Variants in KIF1B observed in about 807,000 individuals in gnomAD.
KIF1B encodes kinesin family member 1B, also known as kinesin-like protein KIF1B.
A neutral mutation model predicts 241.9 loss-of-function variants in KIF1B; 76 were observed. That is an observed-to-expected ratio of 0.31 (90% CI 0.26 to 0.38). The LOEUF (loss-of-function observed/expected upper bound fraction) is 0.38, where lower values mean the gene tolerates loss of function less well. KIF1B is among the 10% of genes least tolerant of loss of function. The pLI, the probability that KIF1B is intolerant of heterozygous loss-of-function variation, is 1.00. For missense variants in KIF1B, 1,622 were observed against 2,271.4 expected, an observed-to-expected ratio of 0.71 and a Z score of 5.81; for synonymous variants, 750 against 796.7, an observed-to-expected ratio of 0.94 and a Z score of 0.99.
chr1:10,264,128 C>T (rs1246914691), intron 5 of KIF1B, among the ~76,000 whole-genome samples: 1 of 152,170 alleles, frequency 6.6e-6, no homozygotes, highest in African/African-American at 2.4e-5. Context: ...AGCTCTCTTC[C>T]CCATTCTATT....
chr1:10,344,415 A>C (rs1361379619), intron 34 of KIF1B, among the ~76,000 whole-genome samples: 1 of 152,222 alleles, frequency 6.6e-6, no homozygotes, highest in Non-Finnish European at 1.5e-5. Flanking sequence ...TGTAGAGCTC[A>C]GCACATTTTC....
At chr1:10,265,400 AATTCTTT>A (rs1354543459) in intron 5 of KIF1B, among the ~76,000 whole-genome samples, 2 of 151,658 alleles carry the variant, frequency 1.3e-5, no homozygotes, top group Non-Finnish European at 2.9e-5. Flanking sequence ...ATGCCTGGCT[AATTCTTT>A]GTATTTTTGG....
intron 2 of KIF1B, among the ~76,000 whole-genome samples, chr1:10,236,842 T>TG (rs1647058042): frequency 2.6e-5 from 4 of 152,152 alleles, no homozygotes; most frequent in Admixed American, 2.6e-4. Context: ...TTTTTTTTTT[T>TG]TTAAACACCA....
At chr1:10,364,500 G>A (rs1299430278) in intron 41 of KIF1B, among the ~76,000 whole-genome samples, 2 of 139,836 alleles carry the variant, frequency 1.4e-5, no homozygotes, top group African/African-American at 4.9e-5. Flanking sequence ...CATCACGCCC[G>A]GCCCCATAGT....
intron 4 of KIF1B, among the ~76,000 whole-genome samples, chr1:10,259,873 C>T (rs1016061994): frequency 6.6e-6 from 1 of 151,834 alleles, no homozygotes; most frequent in African/African-American, 2.4e-5. Flanking sequence ...TGGGCTCCAT[C>T]CTGGGCTTGG....
At chr1:10,236,389 G>C (rs778531660) in intron 2 of KIF1B, among the ~76,000 whole-genome samples, 1 of 152,254 alleles carries the variant, frequency 6.6e-6, no homozygotes, top group Middle Eastern at 3.4e-3. Flanking sequence ...CTAGATAATG[G>C]TACTCCTACC....
At chr1:10,340,608 C>T (rs1242564183) in intron 32 of KIF1B, among the ~76,000 whole-genome samples, 2 of 152,120 alleles carry the variant, frequency 1.3e-5, no homozygotes, top group Non-Finnish European at 2.9e-5. Flanking sequence ...CTCTGGGAGG[C>T]CGAGGCAGGT....
intron 22 of KIF1B, chr1:10,305,560 G>GC (rs1650788876): frequency 9.4e-7 from 1 of 1,059,364 alleles, no homozygotes; most frequent in African/African-American, 1.6e-5. Flanking sequence ...TGGCTCTGTG[G>GC]TGCTGCTTTT....
At chr1:10,329,041 C>G (rs1462332988) in intron 27 of KIF1B, among the ~76,000 whole-genome samples, 1 of 152,176 alleles carries the variant, frequency 6.6e-6, no homozygotes, top group Admixed American at 6.5e-5. Context: ...ATTGTTTTCT[C>G]TCTAGTTTTA....
At chr1:10,268,109 C>T in intron 6 of KIF1B, 43 bp from the exon 7 acceptor site, 1 of 1,324,172 alleles carries the variant, frequency 7.6e-7, no homozygotes, top group South Asian at 1.2e-5. Context: ...CAACTCTCAT[C>T]TAAGAATTCC....
intron 16 of KIF1B, 126 bp downstream of exon 16, chr1:10,291,287 C>CA (rs927366919): frequency 7.4e-6 from 5 of 678,608 alleles, no homozygotes; most frequent in South Asian, 3.4e-5. Flanking sequence ...AAAACGAAAC[C>CA]AAAAAAATGG....
chr1:10,293,415 G>A (rs11580788), intron 17 of KIF1B, among the ~76,000 whole-genome samples: 46,485 of 103,890 alleles, frequency 0.45, 7,549 homozygotes, highest in East Asian at 0.51. Flanking sequence ...TTTTTTTTTT[G>A]AGACAGAGTC....
In KIF1B at chr1:10,309,693, A is replaced by G. The variant is rs561658958; in HGVS notation, c.2116-10350A>G. The stretch of plus-strand genomic sequence containing the variant: ...TACCCTAGCTTGTCTCTTTGCTTCT[A>G]TTCTTGACCCCTATAATCCAATGTC... On this transcript the variant is annotated intron_variant, in intron 22 of 48. Transcript: ENST00000676179. Among the ~76,000 whole-genome samples the G allele has an allele frequency of 2.2e-4, 33 of 151,582 alleles. 2 individuals carry two copies. The highest frequency in any genetic ancestry group is 7.3e-4 in the African/African-American group (30 of 40,902).
chr1:10,266,295 C>T (rs1469385762), intron 5 of KIF1B, among the ~76,000 whole-genome samples: 1 of 152,172 alleles, frequency 6.6e-6, no homozygotes, highest in Non-Finnish European at 1.5e-5. Context: ...GTGGACAGAC[C>T]TCGCTGTTGG....
chr1:10,344,600 G>T (rs1458226739), intron 34 of KIF1B, among the ~76,000 whole-genome samples: 1 of 152,086 alleles, frequency 6.6e-6, no homozygotes, highest in Admixed American at 6.5e-5. Flanking sequence ...AATACTTCTG[G>T]TTTTGCTTTC....
chr1:10,320,728 T>G (rs1187513896), intron 23 of KIF1B, among the ~76,000 whole-genome samples: 3 of 152,140 alleles, frequency 2.0e-5, no homozygotes, highest in Non-Finnish European at 4.4e-5. Context: ...ATTTATTTAT[T>G]TACTTATTTA....
chr1:10,367,139 A>T (rs1357370984), intron 43 of KIF1B, among the ~76,000 whole-genome samples: 1 of 151,632 alleles, frequency 6.6e-6, no homozygotes, highest in Non-Finnish European at 1.5e-5. Context: ...CCTGTCACAC[A>T]GGCTGGGATG....
intron 22 of KIF1B, among the ~76,000 whole-genome samples, chr1:10,317,158 T>G (rs1184947787): frequency 6.6e-6 from 1 of 151,624 alleles, no homozygotes; most frequent in Non-Finnish European, 1.5e-5. Context: ...GTAGCTGAAA[T>G]GAACAGGTGC....
At chr1:10,366,834 G>A (rs889065893) in intron 43 of KIF1B, among the ~76,000 whole-genome samples, 4 of 151,938 alleles carry the variant, frequency 2.6e-5, no homozygotes, top group Non-Finnish European at 5.9e-5. Context: ...AGCCGAACGT[G>A]GTGGCGTGCG....
Sources: gnomAD v4.1 joint callset for allele counts (sites outside exome capture counted in the v4.1 genomes callset) on GRCh38, gnomAD v4.1.1 for gene constraint, MANE v1.5 for transcripts, NCBI Gene and HGNC (gene_info 2026-07-23, HGNC 2026-07-21) for gene names.